Variants in DLG2 observed in about 807,000 individuals in gnomAD.
The protein encoded by DLG2 is disks large homolog 2.
DLG2 carries 45 observed loss-of-function variants against 132.5 expected under a neutral mutation model. The observed-to-expected ratio is 0.34, with a 90% CI of 0.27 to 0.44. The LOEUF is 0.44. Ranked by LOEUF, DLG2 falls within the 20% of genes least tolerant of loss-of-function variation. The pLI, the probability that DLG2 is intolerant of heterozygous loss-of-function variation, is 1.00. For missense variants in DLG2, 1,045 were observed against 1,196.9 expected (o/e 0.87, Z 1.87); for synonymous variants, 424 against 419.6 (o/e 1.01, Z -0.13).
At chr11:83,792,265 T>C (rs1419895371) in intron 17 of DLG2, among the ~76,000 whole-genome samples, 2 of 151,344 alleles carry the variant, frequency 1.3e-5, no homozygotes, top group African/African-American at 2.4e-5. Flanking sequence ...GCATTACTTG[T>C]TTTTTTTTAA....
At chr11:83,843,905 G>C (rs560293533) in intron 16 of DLG2, among the ~76,000 whole-genome samples, 3 of 152,226 alleles carry the variant, frequency 2.0e-5, no homozygotes, top group Non-Finnish European at 4.4e-5. Flanking sequence ...TAAAAATTCT[G>C]AATAAAATAG....
In DLG2 at chr11:83,456,934, A is replaced by G. The variant is rs2089107549; in HGVS notation, c.*2884T>C. 1 of 152,684 alleles carries G rather than the reference A, an allele frequency of 6.5e-6. No individual in the cohort carries two copies. The highest frequency in any genetic ancestry group is 2.1e-4 in the South Asian group (1 of 4,832). The allele number at this position is 152,684 out of a possible 1,614,324, so 9.5% of individuals were successfully genotyped here. A position where few individuals can be genotyped will look rare whatever the true frequency, so the allele number is the denominator to read the frequency against. ...AAGAAATCCCGCAAAAGGCCTGCAA[A>G]TAAATGGCCGACAATTCTGTGGGAG... On this transcript the variant is annotated 3_prime_UTR_variant, in exon 28 of 28. Coordinates refer to ENST00000376104, the MANE Select transcript of DLG2 (RefSeq NM_001142699.3).
At chr11:84,957,595 G>T (rs1436003919) in intron 6 of DLG2, among the ~76,000 whole-genome samples, 2 of 152,036 alleles carry the variant, frequency 1.3e-5, no homozygotes, top group African/African-American at 4.8e-5. Context: ...AGGCAAAATG[G>T]GTTACTCCCT....
chr11:84,478,150 T>A (rs1317959863), intron 7 of DLG2, among the ~76,000 whole-genome samples: 2 of 152,132 alleles, frequency 1.3e-5, no homozygotes, highest in East Asian at 3.9e-4. Context: ...CAGTGCATTG[T>A]TCATTATTAC....
intron 15 of DLG2, among the ~76,000 whole-genome samples, chr11:83,896,943 G>A (rs1208517829): frequency 8.0e-6 from 1 of 124,828 alleles, no homozygotes. Context: ...TCATTAAGCA[G>A]TGTTGTATTT....
At chr11:85,076,391 T>C (rs1033258431) in intron 6 of DLG2, among the ~76,000 whole-genome samples, 4 of 152,144 alleles carry the variant, frequency 2.6e-5, no homozygotes, top group African/African-American at 9.6e-5. Flanking sequence ...ATGAGTTCAA[T>C]TTTCAAGTTT....
chr11:83,804,820 C>A (rs1269128469), intron 17 of DLG2, among the ~76,000 whole-genome samples: 1 of 152,058 alleles, frequency 6.6e-6, no homozygotes, highest in African/African-American at 2.4e-5. Context: ...CTCCAAATGT[C>A]TTTTACAGAT....
Position 85,584,320 on chromosome 11 carries a change from T to C in DLG2, c.40+14337A>G, listed in dbSNP as rs1008093306. On this transcript the variant is annotated intron_variant, in intron 3 of 27. Coordinates refer to ENST00000376104, the MANE Select transcript of DLG2 (RefSeq NM_001142699.3). ...GAATGCCATTATCTCATTCCTTTTA[T>C]GGCTGAGTAGTATTCCATGGTGTGT... 7.9e-5 allele frequency among the ~76,000 whole-genome samples: 12 copies of C among 151,168 alleles called. No homozygotes were observed. In the East Asian group the frequency reaches 1.8e-3, roughly 22 times the overall value.
Position 84,215,455 on chromosome 11 carries a change from ATCT to A in DLG2, c.573+35780_573+35782del, listed in dbSNP as rs140626419. Among the ~76,000 whole-genome samples the A allele has an allele frequency of 1.2e-3, 183 of 152,270 alleles. No individual in the cohort carries two copies. In the East Asian group the frequency reaches 0.029, roughly 24 times the overall value. On this transcript the variant is annotated intron_variant, in intron 8 of 27. Coordinates refer to ENST00000376104, the MANE Select transcript of DLG2 (RefSeq NM_001142699.3). The stretch of plus-strand genomic sequence containing the variant: ...CAATTATTTTTTTTTCCTTACAAAA[ATCT>A]TCTACAAGTTGAGCAGTTTCCAGGC...
At chr11:83,679,692 T>A (rs2078398404) in intron 18 of DLG2, among the ~76,000 whole-genome samples, 1 of 152,214 alleles carries the variant, frequency 6.6e-6, no homozygotes, top group Non-Finnish European at 1.5e-5. Context: ...CAAAATACAA[T>A]TTACAACAAT....
intron 6 of DLG2, among the ~76,000 whole-genome samples, chr11:84,858,678 A>G (rs1023116975): frequency 6.6e-6 from 1 of 152,106 alleles, no homozygotes; most frequent in Non-Finnish European, 1.5e-5. Flanking sequence ...CAAGTACTCA[A>G]TTACTTGAGA....
Position 85,357,238 on chromosome 11 carries a change from TTGTGTGTGTGTG to T in DLG2, c.41-71885_41-71874del, listed in dbSNP as rs71036472. ...TATCAGATTCCTTTCAATATCCTCT[TTGTGTGTGTGTG>T]TGTGTGTGTGTGTGTGTGTGTGTGT... On this transcript the variant is annotated intron_variant, in intron 3 of 27. Transcript: ENST00000376104. 4.3e-3 allele frequency among the ~76,000 whole-genome samples: 514 copies of T among 118,194 alleles called. 2 individuals are homozygous for T. Among genetic ancestry groups the T allele is most frequent in the African/African-American group, 0.014 (444 of 31,354 alleles). The allele number at this position is 118,194 out of a possible 152,430, so 77.5% of individuals were successfully genotyped here.
intron 8 of DLG2, among the ~76,000 whole-genome samples, chr11:84,240,193 A>G (rs1022307): frequency 0.97 from 147,147 of 152,294 alleles, 71,129 homozygotes; most frequent in East Asian, 1. Flanking sequence ...CTTGGACTAC[A>G]TGTGCAAGGG....
chr11:83,880,398 C>A (rs1311323736), intron 15 of DLG2, among the ~76,000 whole-genome samples: 1 of 152,112 alleles, frequency 6.6e-6, no homozygotes, highest in South Asian at 2.1e-4. Flanking sequence ...GTATTTAATA[C>A]ATTTAGAGGT....
intron 3 of DLG2, among the ~76,000 whole-genome samples, chr11:85,301,373 CTATA>C (rs2079574238): frequency 6.6e-6 from 1 of 151,882 alleles, no homozygotes; most frequent in South Asian, 2.1e-4. Context: ...GCCAGGAAGA[CTATA>C]TACGTTCTAT....
intron 7 of DLG2, among the ~76,000 whole-genome samples, chr11:84,415,335 C>T (rs2098925547): frequency 6.6e-6 from 1 of 152,154 alleles, no homozygotes; most frequent in Non-Finnish European, 1.5e-5. Flanking sequence ...ATTTATTAAG[C>T]ATTCTTTCTG....
intron 7 of DLG2, among the ~76,000 whole-genome samples, chr11:84,443,901 T>A (rs1239479014): frequency 6.6e-6 from 1 of 152,152 alleles, no homozygotes; most frequent in Non-Finnish European, 1.5e-5. Context: ...TTTTTCAGTG[T>A]TTTATGTTTA....
At chr11:83,861,456 T>C (rs1829148) in intron 16 of DLG2, among the ~76,000 whole-genome samples, 19,115 of 152,198 alleles carry the variant, frequency 0.13, 1,786 homozygotes, top group Non-Finnish European at 0.18. Flanking sequence ...CTGTTTATAA[T>C]AGCCAAGATT....
intron 18 of DLG2, among the ~76,000 whole-genome samples, chr11:83,717,462 G>C (rs2086992038): frequency 6.6e-6 from 1 of 152,228 alleles, no homozygotes; most frequent in East Asian, 1.9e-4. Flanking sequence ...AGGAGTAGCT[G>C]AAGGTTTTGT....
Sources: gnomAD v4.1 joint callset for allele counts (sites outside exome capture counted in the v4.1 genomes callset) on GRCh38, gnomAD v4.1.1 for gene constraint, MANE v1.5 for transcripts, NCBI Gene and HGNC (gene_info 2026-07-23, HGNC 2026-07-21) for gene names.